GLI2: variants seen among roughly 807,000 people sequenced by gnomAD.
GLI2 encodes GLI family zinc finger 2, also known as transcription activator GLI2.
A neutral mutation model predicts 78.9 loss-of-function variants in GLI2; 22 were observed. That is an observed-to-expected ratio of 0.28 (90% CI 0.20 to 0.40). The LOEUF (loss-of-function observed/expected upper bound fraction) is 0.40, where lower values mean the gene tolerates loss of function less well. GLI2 is among the 10% of genes least tolerant of loss of function. The pLI is 1.00. For synonymous variants in GLI2, 974 were observed against 963.7 expected (o/e 1.01, Z -0.20); for missense variants, 2,097 against 2,213.2 (o/e 0.95, Z 1.05).
intron 4 of GLI2, among the ~76,000 whole-genome samples, chr2:120,952,175 C>T (rs1681028179): frequency 1.3e-5 from 2 of 152,232 alleles, no homozygotes; most frequent in Admixed American, 6.5e-5. Context: ...GGGAAGTGCA[C>T]CCCCATCCAT....
intron 1 of GLI2, among the ~76,000 whole-genome samples, chr2:120,749,376 T>TA (rs1490861436): frequency 1.3e-5 from 2 of 152,074 alleles, no homozygotes; most frequent in African/African-American, 4.8e-5. Context: ...GAGCTGTATT[T>TA]TAAAAAAAAA....
intron 8 of GLI2, among the ~76,000 whole-genome samples, chr2:120,973,242 G>A (rs976999324): frequency 5.3e-5 from 8 of 152,196 alleles, no homozygotes; most frequent in African/African-American, 1.9e-4. Context: ...TTTCCACGGG[G>A]CCGACCATCA....
At chr2:120,795,519 T>C (rs1336661658) in intron 1 of GLI2, among the ~76,000 whole-genome samples, 1 of 132,348 alleles carries the variant, frequency 7.6e-6, no homozygotes, top group East Asian at 2.1e-4. Context: ...TGAGACTCTA[T>C]CTAAAATAAA....
rs11901895 is a variant in GLI2, at chr2:120,986,884, A to G, written c.2242+270A>G. 0.026 allele frequency among the ~76,000 whole-genome samples: 4,004 copies of G among 152,242 alleles called. 189 individuals are homozygous for G. The highest frequency in any genetic ancestry group is 0.092 in the African/African-American group (3,818 of 41,542). ...AAAACAAGCAGACCCTGCGCACATC[A>G]TCCTCTTCCTCACCCATTCATTCCT... On this transcript the variant is annotated intron_variant, in intron 13 of 13. Transcript: ENST00000361492.
At position 120,989,388 on chromosome 2, in the gene GLI2, C is replaced by A. The variant is rs1438506666; in HGVS notation, c.3423C>A (p.Ala1141=). ...EVSSGTVDAL[A]SQVKPPPFPQ... ...GCTCCGGCACCGTAGACGCCCTGGC[C>A]AGCCAGGTGAAGCCTCCACCCTTTC... The change falls in exon 14 of 14, where the codon GCC becomes GCA. Residue 1141 remains alanine (A), a synonymous_variant. Coordinates refer to ENST00000361492, the MANE Select transcript of GLI2 (RefSeq NM_001374353.1). The A allele has an allele frequency of 3.1e-6, 5 of 1,613,008 alleles. No homozygotes were observed. In the Middle Eastern group the frequency reaches 4.9e-4, roughly 160 times the overall value.
chr2:120,803,200 G>A (rs1378092007), intron 2 of GLI2, among the ~76,000 whole-genome samples: 2 of 152,240 alleles, frequency 1.3e-5, no homozygotes, highest in East Asian at 3.9e-4. Flanking sequence ...AGGAAGTAGT[G>A]AGAAGCAGCC....
intron 9 of GLI2, among the ~76,000 whole-genome samples, chr2:120,975,801 C>A (rs1682429200): frequency 6.6e-6 from 1 of 152,196 alleles, no homozygotes; most frequent in African/African-American, 2.4e-5. Context: ...AGAGCAGAGG[C>A]TTGGCACGGG....
intron 2 of GLI2, among the ~76,000 whole-genome samples, chr2:120,811,394 G>A (rs1257061393): frequency 6.6e-6 from 1 of 152,134 alleles, no homozygotes; most frequent in Non-Finnish European, 1.5e-5. Context: ...CTCCCCATAA[G>A]GGTACACAAA....
chr2:120,801,255 C>T (rs899269501), intron 2 of GLI2, among the ~76,000 whole-genome samples: 1 of 152,256 alleles, frequency 6.6e-6, no homozygotes, highest in Non-Finnish European at 1.5e-5. Context: ...TCTCCTGCTT[C>T]AGCCTTCTGA....
chr2:120,881,500 G>A (rs1171988360), intron 2 of GLI2, among the ~76,000 whole-genome samples: 4 of 142,750 alleles, frequency 2.8e-5, no homozygotes, highest in Non-Finnish European at 6.1e-5. Flanking sequence ...AGACAGTGGG[G>A]AGAGGGCAGG....
intron 2 of GLI2, among the ~76,000 whole-genome samples, chr2:120,872,307 C>T (rs527620809): frequency 1.3e-5 from 2 of 152,152 alleles, no homozygotes; most frequent in African/African-American, 2.4e-5. Flanking sequence ...GGGTGTGCCC[C>T]GTGACAGAGA....
chr2:120,856,205 C>G (rs1687637261), intron 2 of GLI2, among the ~76,000 whole-genome samples: 1 of 152,202 alleles, frequency 6.6e-6, no homozygotes, highest in Non-Finnish European at 1.5e-5. Flanking sequence ...GCTGCCTGTT[C>G]TGCCTGCCTG....
chr2:120,745,524 C>G (rs936327460), intron 1 of GLI2, among the ~76,000 whole-genome samples: 3 of 152,172 alleles, frequency 2.0e-5, no homozygotes, highest in Admixed American at 1.3e-4. Flanking sequence ...GAGCAGAGCC[C>G]TCACTCAAGA....
Position 120,968,705 on chromosome 2 carries a change from A to G in GLI2, c.644-9A>G. 1.2e-6 allele frequency: 2 copies of G among 1,607,962 alleles called. No individual in the cohort carries two copies. Among genetic ancestry groups the G allele is most frequent in the Non-Finnish European group, 1.7e-6 (2 of 1,175,716 alleles). ...GATGCTGACCTGTCTTGTGTTGACT[A>G]TCCCACAGTGTCCCGTTTCTCCAGC... On this transcript the variant is annotated splice_polypyrimidine_tract_variant and intron_variant, in intron 5 of 13. Coordinates refer to ENST00000361492, the MANE Select transcript of GLI2 (RefSeq NM_001374353.1).
intron 2 of GLI2, among the ~76,000 whole-genome samples, chr2:120,913,513 A>C (rs777837202): frequency 2.0e-5 from 3 of 152,124 alleles, no homozygotes; most frequent in Non-Finnish European, 4.4e-5. Context: ...TGTGGCCCAC[A>C]TTGTATTTCT....
chr2:120,970,660 G>A (rs1682104516), intron 7 of GLI2, 54 bp downstream of exon 7: 5 of 1,422,842 alleles, frequency 3.5e-6, no homozygotes, highest in African/African-American at 1.4e-5. Flanking sequence ...GGACACATGA[G>A]GGTTGTTCAC....
intron 2 of GLI2, among the ~76,000 whole-genome samples, chr2:120,885,732 C>T (rs1677363319): frequency 6.6e-6 from 1 of 152,184 alleles, no homozygotes; most frequent in Admixed American, 6.5e-5. Flanking sequence ...TGCCTCTGCT[C>T]CCTGGAAGCT....
intron 1 of GLI2, among the ~76,000 whole-genome samples, chr2:120,772,990 A>G (rs1404477758): frequency 6.6e-6 from 1 of 152,174 alleles, no homozygotes. Flanking sequence ...TTATTATATC[A>G]ATGTGTAAAT....
At chr2:120,842,647 C>T (rs939997704) in intron 2 of GLI2, among the ~76,000 whole-genome samples, 3 of 152,212 alleles carry the variant, frequency 2.0e-5, no homozygotes, top group African/African-American at 7.2e-5. Context: ...CCCTCCATAG[C>T]AAGGCTGCCC....
Sources: allele counts gnomAD v4.1 joint callset (sites outside exome capture counted in the v4.1 genomes callset), GRCh38; gene constraint gnomAD v4.1.1; transcripts MANE v1.5; gene names NCBI Gene and HGNC (gene_info 2026-07-23, HGNC 2026-07-21).